The following CDH13 variants were observed in gnomAD, a reference collection of about 807,000 sequenced individuals.
The protein encoded by CDH13 is cadherin 13.
A neutral mutation model predicts 63.8 loss-of-function variants in CDH13; 24 were observed. The ratio of observed to expected loss-of-function variants is 0.38; its 90% CI spans 0.27 to 0.53. CDH13 has a LOEUF of 0.53. CDH13 is among the 20% of genes least tolerant of loss of function. The pLI, the probability that CDH13 is intolerant of heterozygous loss-of-function variation, is 0.85. For missense variants in CDH13, 1,049 were observed against 903.1 expected (o/e 1.16, Z -2.07); for synonymous variants, 503 against 355.3 (o/e 1.42, Z -4.67).
chr16:83,291,114 A>G (rs1405627430), intron 5 of CDH13, among the ~76,000 whole-genome samples: 2 of 152,136 alleles, frequency 1.3e-5, no homozygotes, highest in Non-Finnish European at 2.9e-5. Flanking sequence ...CAAGCTACCA[A>G]CCTGATCTCA....
chr16:83,357,584 C>G (rs998424153), intron 6 of CDH13, among the ~76,000 whole-genome samples: 1 of 152,094 alleles, frequency 6.6e-6, no homozygotes, highest in African/African-American at 2.4e-5. Context: ...ATTTTGTTCC[C>G]AGGAGACACT....
chr16:83,415,974 C>A (rs114089013), intron 6 of CDH13, among the ~76,000 whole-genome samples: 8 of 151,988 alleles, frequency 5.3e-5, no homozygotes, highest in African/African-American at 1.9e-4. Flanking sequence ...GGTTTGTAGA[C>A]AAAATGATCT....
intron 8 of CDH13, among the ~76,000 whole-genome samples, chr16:83,627,212 C>T (rs1910391190): frequency 6.6e-6 from 1 of 151,948 alleles, no homozygotes; most frequent in African/African-American, 2.4e-5. Flanking sequence ...ATTGCTTGAA[C>T]CCAGGAGGCA....
intron 1 of CDH13, among the ~76,000 whole-genome samples, chr16:82,809,208 G>A (rs531174001): frequency 2.2e-4 from 34 of 151,684 alleles, no homozygotes; most frequent in South Asian, 6.2e-4. Flanking sequence ...CCAGTGTTTC[G>A]TGTCACCATA....
chr16:83,139,380 C>G (rs909179509), intron 4 of CDH13, among the ~76,000 whole-genome samples: 1 of 152,188 alleles, frequency 6.6e-6, no homozygotes, highest in African/African-American at 2.4e-5. Flanking sequence ...TGTGTAACAG[C>G]TGTGTTCACT....
intron 4 of CDH13, among the ~76,000 whole-genome samples, chr16:83,187,089 G>A (rs1488393066): frequency 1.3e-5 from 2 of 152,048 alleles, no homozygotes; most frequent in African/African-American, 2.4e-5. Context: ...TCCCACCTCA[G>A]CCTCCTGAGT....
At chr16:83,478,262 G>T (rs2073662913) in intron 6 of CDH13, among the ~76,000 whole-genome samples, 1 of 151,994 alleles carries the variant, frequency 6.6e-6, no homozygotes, top group East Asian at 1.9e-4. Context: ...GAGGCAGGAG[G>T]CACACGCTCC....
intron 8 of CDH13, among the ~76,000 whole-genome samples, chr16:83,620,638 T>C (rs1341651281): frequency 1.3e-5 from 2 of 152,124 alleles, no homozygotes; most frequent in Non-Finnish European, 2.9e-5. Context: ...ACACGCCACA[T>C]GCTCTCTCTC....
intron 7 of CDH13, among the ~76,000 whole-genome samples, chr16:83,509,611 G>T (rs11643677): frequency 6.6e-6 from 1 of 151,902 alleles, no homozygotes; most frequent in Non-Finnish European, 1.5e-5. Flanking sequence ...TTCTGGAAAG[G>T]GAGAAAGGAA....
chr16:82,641,006 T>C (rs901907201), intron 1 of CDH13, among the ~76,000 whole-genome samples: 6 of 152,148 alleles, frequency 3.9e-5, no homozygotes, highest in African/African-American at 1.4e-4. Context: ...TCAAGGTCCA[T>C]AAGTGAGCGA....
chr16:83,491,056 G>T (rs1360570907), intron 7 of CDH13, among the ~76,000 whole-genome samples: 1 of 152,210 alleles, frequency 6.6e-6, no homozygotes, highest in African/African-American at 2.4e-5. Flanking sequence ...AGAACATTCT[G>T]CAGGATCCAC....
intron 7 of CDH13, among the ~76,000 whole-genome samples, chr16:83,594,783 T>C (rs1179515243): frequency 6.6e-6 from 1 of 152,226 alleles, no homozygotes; most frequent in Non-Finnish European, 1.5e-5. Flanking sequence ...GTTAAATGCA[T>C]ACCTGTGTGG....
intron 7 of CDH13, among the ~76,000 whole-genome samples, chr16:83,601,332 T>C (rs1210827856): frequency 6.6e-6 from 1 of 152,212 alleles, no homozygotes; most frequent in African/African-American, 2.4e-5. Flanking sequence ...CTCTTCTTCA[T>C]CTTAGGATCA....
chr16:83,156,975 G>A (rs12596893), intron 4 of CDH13, among the ~76,000 whole-genome samples: 6,233 of 152,192 alleles, frequency 0.041, 158 homozygotes, highest in East Asian at 0.11. Context: ...GAACAAGGGT[G>A]TCATAGTTAA....
intron 10 of CDH13, among the ~76,000 whole-genome samples, chr16:83,733,037 T>C (rs769977515): frequency 6.6e-6 from 1 of 152,176 alleles, no homozygotes; most frequent in Non-Finnish European, 1.5e-5. Context: ...GTAAATGCCT[T>C]GGTGAAGATA....
At chr16:82,935,754 T>C (rs1451259552) in intron 2 of CDH13, among the ~76,000 whole-genome samples, 5 of 152,114 alleles carry the variant, frequency 3.3e-5, no homozygotes, top group African/African-American at 1.2e-4. Flanking sequence ...GTGGCTATGT[T>C]GCCTGGGGTA....
At chr16:82,996,437 A>T (rs1294049403) in intron 2 of CDH13, among the ~76,000 whole-genome samples, 1 of 152,072 alleles carries the variant, frequency 6.6e-6, no homozygotes, top group Admixed American at 6.5e-5. Context: ...CCAGCCCAGG[A>T]CCCAGCATGG....
intron 5 of CDH13, among the ~76,000 whole-genome samples, chr16:83,279,830 G>A (rs952436452): frequency 7.2e-6 from 1 of 138,652 alleles, no homozygotes; most frequent in African/African-American, 2.8e-5. Context: ...TCACAATGAA[G>A]TGAGTCACAT....
chr16:83,738,767 A>G (rs756901050), intron 10 of CDH13, among the ~76,000 whole-genome samples: 2 of 152,156 alleles, frequency 1.3e-5, no homozygotes, highest in African/African-American at 4.8e-5. Flanking sequence ...TTAGCCGGGC[A>G]TGGTTGCACA....
Sources: allele counts gnomAD v4.1 joint callset (sites outside exome capture counted in the v4.1 genomes callset), GRCh38; gene constraint gnomAD v4.1.1; transcripts MANE v1.5; gene names NCBI Gene and HGNC (gene_info 2026-07-23, HGNC 2026-07-21).